MED23: variants seen among roughly 807,000 people sequenced by gnomAD.
MED23 encodes mediator of RNA polymerase II transcription subunit 23.
MED23 carries 105 observed loss-of-function variants against 163.9 expected under a neutral mutation model. The observed-to-expected ratio is 0.64, with a 90% confidence interval of 0.55 to 0.75. The LOEUF (loss-of-function observed/expected upper bound fraction) is 0.75, where lower values mean the gene tolerates loss of function less well. Among genes scored for constraint, MED23 ranks in the 30% least tolerant of loss-of-function variants. The pLI, the probability that MED23 is intolerant of heterozygous loss-of-function variation, is 0.00. For missense variants in MED23, 1,054 were observed against 1,649.0 expected, an observed-to-expected ratio of 0.64 and a Z score of 6.25; for synonymous variants, 561 against 565.6, an observed-to-expected ratio of 0.99 and a Z score of 0.12.
At chr6:131,583,459 G>GTCTC, downstream of MED23, 1 of 1,614,096 alleles carries the variant, frequency 6.2e-7, no homozygotes. Flanking sequence ...TACAGAGAAG[G>GTCTC]TCTCTACATC....
chr6:131,602,290 C>T lies in MED23; in HGVS notation c.2023G>A (p.Val675Met). The T allele has an allele frequency of 6.2e-7, 1 of 1,613,918 alleles. No individual in the cohort carries two copies. The highest frequency in any genetic ancestry group is 8.5e-7 in the Non-Finnish European group (1 of 1,179,842). Residue 675 changes from valine to methionine, a missense_variant, in exon 17 of 29, where the codon GTG (valine) becomes ATG (methionine). Physicochemically the swap from Val to Met is conservative, Grantham distance 21. This residue lies in a region of MED23 where 228 missense variants were observed against 461.3 expected (regional missense o/e 0.49). Coordinates refer to ENST00000368068, the MANE Select transcript of MED23 (RefSeq NM_004830.4). ...AGTTCTTCAGATTCTGCTGAGAGCA[C>T]TGTTTTGGGATCACTAAGGAAGCGT... is the stretch of plus-strand genomic sequence containing the variant. Reference protein sequence around the residue: ...FTRFLSDPKTVLSAESEELNR... With the variant: ...FTRFLSDPKTMLSAESEELNR...
At chr6:131,588,515 CAAAT>C (rs1051910355) in intron 28 of MED23, among the ~76,000 whole-genome samples, 3 of 152,070 alleles carry the variant, frequency 2.0e-5, no homozygotes, top group Non-Finnish European at 2.9e-5. Flanking sequence ...AAAAAACAAA[CAAAT>C]AAACAATTTC....
chr6:131,583,321 C>T (rs1462895985), downstream of MED23: 3 of 1,613,978 alleles, frequency 1.9e-6, no homozygotes, highest in Non-Finnish European at 1.7e-6. Flanking sequence ...AAGCCATCAA[C>T]CTTAAACTGA....
At chr6:131,599,282 G>T (rs1775293491) in intron 18 of MED23, among the ~76,000 whole-genome samples, 1 of 152,182 alleles carries the variant, frequency 6.6e-6, no homozygotes, top group Non-Finnish European at 1.5e-5. Context: ...AGGTGATTTG[G>T]TAAGTTTAAA....
In MED23 at chr6:131,592,887, A is replaced by C. The variant is rs1285266861; in HGVS notation, c.3398+119T>G. 4 of 1,162,378 alleles carry C rather than the reference A, an allele frequency of 3.4e-6. No individual in the cohort carries two copies. In the African/African-American group the frequency reaches 6.2e-5, roughly 18 times the overall value. 72.0% of individuals were successfully genotyped at this position (1,162,378 alleles called of 1,614,324 possible). On this transcript the variant is annotated intron_variant, in intron 24 of 28. Coordinates refer to ENST00000368068, the MANE Select transcript of MED23 (RefSeq NM_004830.4). The stretch of plus-strand genomic sequence containing the variant: ...AAGACAAGATCTGGAACCAGAAAAC[A>C]GTCATCATCCAATGTGCATCAGCCT...
intron 26 of MED23, 88 bp downstream of exon 26, chr6:131,591,225 A>C (rs922807524): frequency 1.0e-6 from 1 of 984,122 alleles, no homozygotes; most frequent in African/African-American, 1.6e-5. Context: ...TGATCTGCCC[A>C]CCTCGGCCTC....
chr6:131,578,993 G>T, intron 30 of MED23: 1 of 1,211,008 alleles, frequency 8.3e-7, no homozygotes, highest in Non-Finnish European at 1.2e-6. Context: ...GACCTTTCAG[G>T]TTTTTCCTTT....
At chr6:131,579,930 A>C (rs1348480485) in intron 30 of MED23, among the ~76,000 whole-genome samples, 1 of 151,994 alleles carries the variant, frequency 6.6e-6, no homozygotes, top group African/African-American at 2.4e-5. Context: ...TTGTTGCTTC[A>C]TGGGATGTGC....
At position 131,609,052 on chromosome 6, in the gene MED23, C is replaced by T. The variant is rs541552947; in HGVS notation, c.1078-981G>A. Among the ~76,000 whole-genome samples, 38 of 152,278 alleles carry T rather than the reference C, an allele frequency of 2.5e-4. 1 individual carries two copies. In the South Asian group the frequency reaches 7.7e-3, roughly 31 times the overall value. ...CGTCAGTGTACCTGATCTCTGGCTC[C>T]TCCTTTCTGTCCTGGTTTAGGCCTT... is the stretch of plus-strand genomic sequence containing the variant. On this transcript the variant is annotated intron_variant, in intron 11 of 28. Transcript: ENST00000368068.
chr6:131,627,971 C>A, intron 1 of MED23, 40 bp downstream of exon 1: 1 of 1,613,488 alleles, frequency 6.2e-7, no homozygotes, highest in Non-Finnish European at 8.5e-7. Flanking sequence ...GTCTCCCCGT[C>A]CCCAAGCCGT....
Position 131,581,234 on chromosome 6 carries a change from CATCTCTGGCCATGCCAGGGTCCACCCTG to C in MED23, c.4095+6447_4095+6474del. On this transcript the variant is annotated intron_variant, in intron 30 of 30. Coordinates refer to the MED23 transcript ENST00000354577. The stretch of plus-strand genomic sequence containing the variant: ...TCCCCAAAAGTTTGGCAATTGGAAG[CATCTCTGGCCATGCCAGGGTCCACCCTG>C]ATCTTGGAGTCATCTGGGTGGATGC... 1.2e-6 allele frequency: 2 copies of C among 1,613,862 alleles called. No individual in the cohort carries two copies. Among genetic ancestry groups the C allele is most frequent in the Non-Finnish European group, 1.7e-6 (2 of 1,179,780 alleles).
At chr6:131,617,171 T>C (rs1440574138) in intron 9 of MED23, among the ~76,000 whole-genome samples, 1 of 151,066 alleles carries the variant, frequency 6.6e-6, no homozygotes, top group Non-Finnish European at 1.5e-5. Flanking sequence ...TCCATGATGC[T>C]AGATGGTTTC....
chr6:131,589,833 TAAGTA>T (rs1230217234), intron 27 of MED23, among the ~76,000 whole-genome samples: 3 of 152,202 alleles, frequency 2.0e-5, no homozygotes, highest in African/African-American at 7.2e-5. Flanking sequence ...TCTTCATAGT[TAAGTA>T]ATTTCTCTTA....
chr6:131,581,046 T>C (rs1773894137), intron 30 of MED23, among the ~76,000 whole-genome samples: 1 of 152,218 alleles, frequency 6.6e-6, no homozygotes, highest in African/African-American at 2.4e-5. Context: ...GCATTAAGTG[T>C]AAGTTATGCT....
At chr6:131,592,886 C>G (rs929622895) in intron 24 of MED23, 120 bp downstream of exon 24, 2 of 1,157,460 alleles carry the variant, frequency 1.7e-6, no homozygotes, top group Non-Finnish European at 2.5e-6. Flanking sequence ...AACCAGAAAA[C>G]AGTCATCATC....
chr6:131,602,797 T>C (rs1379481136), intron 16 of MED23, among the ~76,000 whole-genome samples: 1 of 152,156 alleles, frequency 6.6e-6, no homozygotes, highest in African/African-American at 2.4e-5. Context: ...GAAGTACTAA[T>C]TCTCAGTCCA....
chr6:131,599,978 C>T, intron 18 of MED23, 60 bp downstream of exon 18: 2 of 1,584,928 alleles, frequency 1.3e-6, no homozygotes, highest in Non-Finnish European at 1.7e-6. Flanking sequence ...TCTAGAACAC[C>T]ATTGTGAATG....
chr6:131,582,597 C>T, downstream of MED23: 1 of 1,579,050 alleles, frequency 6.3e-7, no homozygotes, highest in Non-Finnish European at 8.7e-7. Context: ...CATACATAAC[C>T]AAGTGAAAAC....
intron 30 of MED23, among the ~76,000 whole-genome samples, chr6:131,575,540 A>G (rs1292590184): frequency 6.6e-6 from 1 of 152,174 alleles, no homozygotes; most frequent in Admixed American, 6.5e-5. Flanking sequence ...TTTAACATCA[A>G]GGATTTGCCT....
Sources: allele counts gnomAD v4.1 joint callset (sites outside exome capture counted in the v4.1 genomes callset), GRCh38; gene constraint gnomAD v4.1.1; regional missense constraint gnomAD v4.1.1; transcripts MANE v1.5; gene names NCBI Gene and HGNC (gene_info 2026-07-23, HGNC 2026-07-21).